Variants in IL1RAPL2 observed in about 807,000 individuals in gnomAD.
The protein encoded by IL1RAPL2 is interleukin 1 receptor accessory protein like 2.
In IL1RAPL2, 3 loss-of-function variants were observed where a neutral mutation model predicts 44.1. The observed-to-expected ratio is 0.07, with a 90% CI of 0.03 to 0.18. The LOEUF (loss-of-function observed/expected upper bound fraction) is 0.18, where lower values mean the gene tolerates loss of function less well. IL1RAPL2 is among the 10% of genes least tolerant of loss of function. The probability of loss-of-function intolerance (pLI) is 1.00; values close to 1 mark genes in which losing one functional copy is unlikely to be tolerated. For missense variants in IL1RAPL2, 391 were observed against 496.4 expected, an observed-to-expected ratio of 0.79 and a Z score of 2.02; for synonymous variants, 181 against 178.8, an observed-to-expected ratio of 1.01 and a Z score of -0.10.
chrX:105,164,091 T>C (rs372881852), intron 2 of IL1RAPL2, among the ~76,000 whole-genome samples: 858 of 54,511 alleles, frequency 0.016, 6 homozygotes, highest in Non-Finnish European at 0.026. Context: ...TCAATTGCCT[T>C]TGGAAAAAAA....
chrX:105,009,231 C>T (rs1222285887), intron 2 of IL1RAPL2, among the ~76,000 whole-genome samples: 12 of 111,324 alleles, frequency 1.1e-4, no homozygotes, highest in Middle Eastern at 4.6e-3. Flanking sequence ...CCATTTGACC[C>T]AGCAATCCCG....
At chrX:105,029,082 T>C (rs1408063130) in intron 2 of IL1RAPL2, among the ~76,000 whole-genome samples, 1 of 109,878 alleles carries the variant, frequency 9.1e-6, no homozygotes, top group East Asian at 2.9e-4. Flanking sequence ...TTATGAAGTC[T>C]AATTATCATT....
intron 2 of IL1RAPL2, among the ~76,000 whole-genome samples, chrX:104,771,831 C>T (rs191069133): frequency 8.9e-5 from 10 of 111,783 alleles, no homozygotes; most frequent in Admixed American, 8.5e-4. Context: ...GATTTTAAGA[C>T]AGTAGATTTT....
At chrX:105,227,943 C>G (rs2034033442) in intron 3 of IL1RAPL2, among the ~76,000 whole-genome samples, 2 of 111,324 alleles carry the variant, frequency 1.8e-5, no homozygotes, top group African/African-American at 3.3e-5. Context: ...TTTTTTCCCC[C>G]TTATCCCCCT....
intron 1 of IL1RAPL2, among the ~76,000 whole-genome samples, chrX:104,588,477 G>A (rs1928605290): frequency 9.0e-6 from 1 of 111,284 alleles, no homozygotes; most frequent in Non-Finnish European, 1.9e-5. Context: ...AAACTTAGTA[G>A]AAATCTCCAG....
chrX:105,070,557 G>C (rs1223455689), intron 2 of IL1RAPL2, among the ~76,000 whole-genome samples: 10 of 110,013 alleles, frequency 9.1e-5, no homozygotes, highest in Non-Finnish European at 1.9e-4. Context: ...AGTCAGGCAT[G>C]GTGGTGAGTG....
chrX:104,939,560 A>G (rs1166054859), intron 2 of IL1RAPL2, among the ~76,000 whole-genome samples: 5 of 112,053 alleles, frequency 4.5e-5, no homozygotes, highest in African/African-American at 1.6e-4. Flanking sequence ...TTTAAAGGGC[A>G]GAAATATTTT....
At chrX:105,261,214 C>T (rs2034356789) in intron 4 of IL1RAPL2, among the ~76,000 whole-genome samples, 1 of 111,988 alleles carries the variant, frequency 8.9e-6, no homozygotes, top group African/African-American at 3.3e-5. Flanking sequence ...CTCACCACTT[C>T]TCTGCACAGG....
At chrX:104,877,048 AG>A (rs1922925675) in intron 2 of IL1RAPL2, among the ~76,000 whole-genome samples, 1 of 110,709 alleles carries the variant, frequency 9.0e-6, no homozygotes, top group African/African-American at 3.3e-5. Flanking sequence ...GTCCCTACAA[AG>A]GACATGAACT....
intron 5 of IL1RAPL2, among the ~76,000 whole-genome samples, chrX:105,462,722 A>G (rs940046303): frequency 1.3e-4 from 14 of 111,218 alleles, no homozygotes; most frequent in Non-Finnish European, 2.6e-4. Flanking sequence ...GTGAAAGGCA[A>G]CCCAGTTGTT....
At chrX:105,723,993 A>G (rs2038329526) in intron 7 of IL1RAPL2, among the ~76,000 whole-genome samples, 1 of 111,174 alleles carries the variant, frequency 9.0e-6, no homozygotes, top group Non-Finnish European at 1.9e-5. Context: ...ACACATTTCA[A>G]AATTGCATTG....
chrX:104,639,054 G>A (rs947096074), intron 1 of IL1RAPL2, among the ~76,000 whole-genome samples: 3 of 111,834 alleles, frequency 2.7e-5, no homozygotes, highest in African/African-American at 9.7e-5. Context: ...GTCTATACAT[G>A]TTCATAATAG....
intron 2 of IL1RAPL2, among the ~76,000 whole-genome samples, chrX:105,047,132 G>T (rs2031849850): frequency 1.8e-5 from 2 of 110,773 alleles, no homozygotes; most frequent in South Asian, 7.6e-4. Context: ...TCACATGCAG[G>T]GAGTTGCATA....
rs781490589 is a variant in IL1RAPL2 at position 105,578,775 on chromosome X, C to A, written c.772+94388C>A. The stretch of plus-strand genomic sequence containing the variant: ...GATTTCCAAAGTAGATAGACTGGAC[C>A]CCTGCCTTAATGCTTTTCTAAAGCC... On this transcript the variant is annotated intron_variant, in intron 6 of 10. Coordinates refer to ENST00000372582, the MANE Select transcript of IL1RAPL2 (RefSeq NM_017416.2). 2.7e-5 allele frequency among the ~76,000 whole-genome samples: 3 copies of A among 111,428 alleles called. No homozygotes were observed. In the East Asian group the frequency reaches 8.5e-4, roughly 32 times the overall value.
At chrX:104,916,031 A>T (rs747614776) in intron 2 of IL1RAPL2, among the ~76,000 whole-genome samples, 1 of 111,951 alleles carries the variant, frequency 8.9e-6, no homozygotes, top group East Asian at 2.8e-4. Context: ...CTTTTGGCTT[A>T]GGATTGACTT....
intron 2 of IL1RAPL2, among the ~76,000 whole-genome samples, chrX:104,717,919 T>C (rs1931605880): frequency 9.1e-6 from 1 of 110,439 alleles, no homozygotes. Flanking sequence ...TCCATGTCCC[T>C]ACAAAGGACG....
intron 6 of IL1RAPL2, among the ~76,000 whole-genome samples, chrX:105,526,423 C>A (rs1327821138): frequency 9.0e-6 from 1 of 111,699 alleles, no homozygotes; most frequent in African/African-American, 3.2e-5. Flanking sequence ...AGAAAATGCA[C>A]CTAATTATTT....
intron 2 of IL1RAPL2, among the ~76,000 whole-genome samples, chrX:104,838,128 A>G (rs1441062292): frequency 1.8e-5 from 2 of 111,788 alleles, no homozygotes; most frequent in Admixed American, 1.9e-4. Flanking sequence ...TGGTTACTGT[A>G]GCCTTGTAGT....
chrX:105,289,423 T>C (rs1215684796), intron 5 of IL1RAPL2, among the ~76,000 whole-genome samples: 1 of 111,566 alleles, frequency 9.0e-6, no homozygotes, highest in Non-Finnish European at 1.9e-5. Flanking sequence ...GGGCAAGGAC[T>C]GGAGCAGGGA....
Sources: gnomAD v4.1 joint callset for allele counts (sites outside exome capture counted in the v4.1 genomes callset) on GRCh38, gnomAD v4.1.1 for gene constraint, MANE v1.5 for transcripts, NCBI Gene and HGNC (gene_info 2026-07-23, HGNC 2026-07-21) for gene names.